Variants in GREB1L observed in about 807,000 individuals in gnomAD.
GREB1L encodes GREB1-like protein.
In GREB1L, 17 loss-of-function variants were observed where a neutral mutation model predicts 200.8. The ratio of observed to expected loss-of-function variants is 0.08; its 90% CI spans 0.06 to 0.13. GREB1L has a LOEUF of 0.13. Among genes scored for constraint, GREB1L ranks in the 10% least tolerant of loss-of-function variants. The pLI, the probability that GREB1L is intolerant of heterozygous loss-of-function variation, is 1.00. For synonymous variants in GREB1L, 789 were observed against 893.0 expected, an observed-to-expected ratio of 0.88 and a Z score of 2.08; for missense variants, 1,657 against 2,367.7, an observed-to-expected ratio of 0.70 and a Z score of 6.23.
chr18:21,431,395 ATG>A (rs1316306581), intron 7 of GREB1L, among the ~76,000 whole-genome samples: 1 of 152,160 alleles, frequency 6.6e-6, no homozygotes, highest in Non-Finnish European at 1.5e-5. Flanking sequence ...TTATTTAGGA[ATG>A]TGTTATTTTT....
chr18:21,311,123 A>G (rs2038783193), intron 1 of GREB1L, among the ~76,000 whole-genome samples: 1 of 152,344 alleles, frequency 6.6e-6, no homozygotes, highest in South Asian at 2.1e-4. Flanking sequence ...ACAGAGGACA[A>G]TAGTTGATTT....
rs896596145 is a variant in GREB1L, at chr18:21,524,238, T to C, written c.*1417T>C. Reference sequence around the variant, plus strand: ...ATTTACTTAGAACAAATAGTGTTAATTGACCAGCTTTATTATCTTATGACA... The same window carrying C: ...ATTTACTTAGAACAAATAGTGTTAACTGACCAGCTTTATTATCTTATGACA... On this transcript the variant is annotated 3_prime_UTR_variant, in exon 33 of 33. Coordinates refer to ENST00000424526, the MANE Select transcript of GREB1L (RefSeq NM_001142966.3). The C allele has an allele frequency of 5.3e-5, 8 of 152,334 alleles. No individual in the cohort carries two copies. Among genetic ancestry groups the C allele is most frequent in the African/African-American group, 1.4e-4 (6 of 41,582 alleles). 9.4% of individuals were successfully genotyped at this position (152,334 alleles called of 1,614,324 possible).
At chr18:21,270,435 T>C (rs2038060126) in intron 1 of GREB1L, among the ~76,000 whole-genome samples, 1 of 152,170 alleles carries the variant, frequency 6.6e-6, no homozygotes, top group Non-Finnish European at 1.5e-5. Context: ...GCCTGCGCTG[T>C]TAGGATTATC....
At chr18:21,518,917 C>T (rs2037517951) in intron 31 of GREB1L, among the ~76,000 whole-genome samples, 1 of 152,114 alleles carries the variant, frequency 6.6e-6, no homozygotes. Flanking sequence ...AAAGTAAAGT[C>T]ACCTGCCAGA....
intron 17 of GREB1L, among the ~76,000 whole-genome samples, chr18:21,478,504 C>A (rs1486673254): frequency 6.6e-6 from 1 of 152,136 alleles, no homozygotes; most frequent in Non-Finnish European, 1.5e-5. Context: ...ATTTATTTTT[C>A]AACCCAGTGC....
chr18:21,436,702 G>A (rs2033563410), intron 7 of GREB1L, among the ~76,000 whole-genome samples: 1 of 149,542 alleles, frequency 6.7e-6, no homozygotes, highest in East Asian at 2.0e-4. Flanking sequence ...GTGTGTGTGT[G>A]TGTGTGTGTG....
At chr18:21,512,542 A>G (rs1356443760) in intron 27 of GREB1L, among the ~76,000 whole-genome samples, 5 of 152,190 alleles carry the variant, frequency 3.3e-5, no homozygotes, top group Non-Finnish European at 7.3e-5. Context: ...GGATTCACAT[A>G]TTCATTCTAA....
At chr18:21,434,537 A>ATG (rs2033406191) in intron 7 of GREB1L, among the ~76,000 whole-genome samples, 3 of 145,474 alleles carry the variant, frequency 2.1e-5, no homozygotes, top group African/African-American at 8.2e-5. Context: ...GTGTGTATAT[A>ATG]TATGTGTATA....
chr18:21,385,371 C>CT (rs60302271), intron 4 of GREB1L, among the ~76,000 whole-genome samples: 4,746 of 140,398 alleles, frequency 0.034, 235 homozygotes, highest in African/African-American at 0.11. Flanking sequence ...TTTCTCTTGA[C>CT]TTTTTTTTTT....
intron 1 of GREB1L, among the ~76,000 whole-genome samples, chr18:21,253,777 A>G (rs190800600): frequency 6.6e-6 from 1 of 150,852 alleles, no homozygotes; most frequent in Non-Finnish European, 1.5e-5. Context: ...CATACTGCTA[A>G]TATGATTTCC....
In GREB1L at chr18:21,508,053, T is replaced by C. The variant is rs2037086760; in HGVS notation, c.4369-65T>C. The C allele has an allele frequency of 5.5e-6, 8 of 1,441,932 alleles. No homozygotes were observed. In the African/African-American group the frequency reaches 8.5e-5, roughly 15 times the overall value. 89.3% of individuals were successfully genotyped at this position (1,441,932 alleles called of 1,614,324 possible). A position where few individuals can be genotyped will look rare whatever the true frequency, so the allele number is the denominator to read the frequency against. ...ATCTCTTAATAACAACCTGAAGGAG[T>C]GGCCTGGAAGTTTGGAAACTGTGGG... On this transcript the variant is annotated intron_variant, in intron 25 of 32. Transcript: ENST00000424526.
At chr18:21,366,742 A>G (rs1207728735) in intron 2 of GREB1L, among the ~76,000 whole-genome samples, 1 of 151,524 alleles carries the variant, frequency 6.6e-6, no homozygotes, top group Non-Finnish European at 1.5e-5. Context: ...CTCCTTTTGG[A>G]AGTTACAATG....
At chr18:21,341,621 C>T (rs778600415) in intron 1 of GREB1L, among the ~76,000 whole-genome samples, 7 of 152,178 alleles carry the variant, frequency 4.6e-5, no homozygotes, top group Non-Finnish European at 7.4e-5. Flanking sequence ...GATCCTCCCA[C>T]CTTAGCATCC....
intron 1 of GREB1L, among the ~76,000 whole-genome samples, chr18:21,308,233 C>T (rs1209921717): frequency 2.6e-5 from 4 of 152,194 alleles, no homozygotes; most frequent in South Asian, 4.1e-4. Context: ...GACAGCTTCT[C>T]CTTTACCTTC....
chr18:21,378,226 G>T (rs1046531699), intron 2 of GREB1L, among the ~76,000 whole-genome samples: 1 of 152,104 alleles, frequency 6.6e-6, no homozygotes, highest in Non-Finnish European at 1.5e-5. Flanking sequence ...GAATACCATG[G>T]CATATGACAT....
At chr18:21,303,743 A>G (rs956107785) in intron 1 of GREB1L, among the ~76,000 whole-genome samples, 22 of 152,350 alleles carry the variant, frequency 1.4e-4, no homozygotes, top group Non-Finnish European at 3.1e-4. Context: ...TTGCATGTCT[A>G]TTAAATTTAA....
intron 1 of GREB1L, among the ~76,000 whole-genome samples, chr18:21,276,564 T>C (rs568999009): frequency 6.6e-6 from 1 of 152,266 alleles, no homozygotes; most frequent in African/African-American, 2.4e-5. Context: ...TCTCTGAAAA[T>C]GAACTTGGCT....
At chr18:21,457,728 T>A (rs2034833957) in intron 15 of GREB1L, among the ~76,000 whole-genome samples, 1 of 152,180 alleles carries the variant, frequency 6.6e-6, no homozygotes, top group Admixed American at 6.5e-5. Context: ...TTGGAACACA[T>A]ACCAATTGAT....
intron 11 of GREB1L, among the ~76,000 whole-genome samples, chr18:21,448,321 G>GT (rs1182617793): frequency 6.6e-6 from 1 of 152,056 alleles, no homozygotes; most frequent in African/African-American, 2.4e-5. Flanking sequence ...TGGAAAAACT[G>GT]TTTTCTCCAA....
Sources: gnomAD v4.1 joint callset for allele counts (sites outside exome capture counted in the v4.1 genomes callset) on GRCh38, gnomAD v4.1.1 for gene constraint, MANE v1.5 for transcripts, NCBI Gene and HGNC (gene_info 2026-07-23, HGNC 2026-07-21) for gene names.